Variants in ACSS3 observed in about 807,000 individuals in gnomAD.
The protein encoded by ACSS3 is acyl-CoA synthetase short chain family member 3.
In ACSS3, 64 loss-of-function variants were observed where a neutral mutation model predicts 84.2. That is an observed-to-expected ratio of 0.76 (90% confidence interval 0.62 to 0.94). ACSS3 has a LOEUF of 0.94. Among genes scored for constraint, ACSS3 ranks in the 40% least tolerant of loss-of-function variants. ACSS3 has a pLI of 0.00. For synonymous variants in ACSS3, 317 were observed against 310.1 expected, an observed-to-expected ratio of 1.02 and a Z score of -0.23; for missense variants, 815 against 867.6, an observed-to-expected ratio of 0.94 and a Z score of 0.76.
At chr12:81,199,693 T>C (rs2032014144) in intron 9 of ACSS3, 1 of 1,402,430 alleles carries the variant, frequency 7.1e-7, no homozygotes, top group Admixed American at 2.1e-5. Flanking sequence ...TATCTTCTCT[T>C]CTTTGTTTCT....
rs1361629558 is a variant in ACSS3, at chr12:81,257,558, A to G, written c.*2636A>G. On this transcript the variant is annotated 3_prime_UTR_variant, in exon 16 of 16. Transcript: ENST00000548058. ...TACTGTTAAGTTATTGGAAAATGAAAATATAAAGTGCTTTCAGAAGTTATA... is the reference window on the plus strand; with the variant it reads ...TACTGTTAAGTTATTGGAAAATGAAGATATAAAGTGCTTTCAGAAGTTATA... 6.6e-6 allele frequency: 1 copy of G among 152,168 alleles called. No homozygotes were observed. Among genetic ancestry groups the G allele is most frequent in the Non-Finnish European group, 1.5e-5 (1 of 68,012 alleles). The allele number at this position is 152,168 out of a possible 1,614,324, so 9.4% of individuals were successfully genotyped here. A position where few individuals can be genotyped will look rare whatever the true frequency, so the allele number is the denominator to read the frequency against.
chr12:81,088,407 T>A (rs1301007261), intron 1 of ACSS3, among the ~76,000 whole-genome samples: 1 of 152,216 alleles, frequency 6.6e-6, no homozygotes, highest in East Asian at 1.9e-4. Flanking sequence ...TTTAGTCTGC[T>A]AAAGTACATA....
rs1366894255 is a variant in ACSS3 at position 81,259,415 on chromosome 12, A to G, written c.*4493A>G. On this transcript the variant is annotated 3_prime_UTR_variant, in exon 16 of 16. Transcript: ENST00000548058. ...AAAACAACTGGCTTCATTTCATAAA[A>G]GCATCTGTTGTACAGAGTTTATGAT... The G allele has an allele frequency of 1.5e-6, 1 of 658,614 alleles. No homozygotes were observed. The highest frequency in any genetic ancestry group is 1.8e-5 in the African/African-American group (1 of 55,586). 40.8% of individuals were successfully genotyped at this position (658,614 alleles called of 1,614,324 possible). A position where few individuals can be genotyped will look rare whatever the true frequency, so the allele number is the denominator to read the frequency against.
At chr12:81,219,215 C>T (rs1289700638) in intron 10 of ACSS3, among the ~76,000 whole-genome samples, 2 of 152,050 alleles carry the variant, frequency 1.3e-5, no homozygotes, top group Admixed American at 1.3e-4. Flanking sequence ...CCATGGCCTC[C>T]GTGAACTCAC....
chr12:81,228,132 G>T (rs1396804229), intron 11 of ACSS3, among the ~76,000 whole-genome samples: 2 of 151,796 alleles, frequency 1.3e-5, no homozygotes, highest in Non-Finnish European at 2.9e-5. Context: ...TACATTTTAG[G>T]TTGGGCTTTT....
chr12:81,174,408 T>C (rs1014949917), intron 7 of ACSS3: 1 of 156,702 alleles, frequency 6.4e-6, no homozygotes, highest in Non-Finnish European at 1.4e-5. Flanking sequence ...ACTGTTGTCA[T>C]TTTTAATAGT....
chr12:81,160,341 G>T (rs1887088536), intron 7 of ACSS3, among the ~76,000 whole-genome samples: 1 of 152,214 alleles, frequency 6.6e-6, no homozygotes, highest in African/African-American at 2.4e-5. Flanking sequence ...AGCAAGGGCA[G>T]ATGGCTATTT....
Position 81,129,119 on chromosome 12 carries a change from C to G in ACSS3, c.457-5697C>G, listed in dbSNP as rs914499053. ...TGAAACAAGCAAGGCCAAATAGACT[C>G]CATCTAGTGGTTACACGGGACTGGT... On this transcript the variant is annotated intron_variant, in intron 2 of 15. Coordinates refer to ENST00000548058, the MANE Select transcript of ACSS3 (RefSeq NM_024560.4). 8.7e-4 allele frequency among the ~76,000 whole-genome samples: 133 copies of G among 152,186 alleles called. 1 individual carries two copies. The highest frequency in any genetic ancestry group is 6.8e-4 in the Non-Finnish European group (46 of 68,014).
intron 9 of ACSS3, among the ~76,000 whole-genome samples, chr12:81,213,999 CTTTCTTTCATCT>C (rs2032800658): frequency 1.1e-5 from 1 of 92,400 alleles, no homozygotes; most frequent in African/African-American, 4.1e-5. Flanking sequence ...TTCTTTCTTT[CTTTCTTTCATCT>C]GTCTGTCTGT....
intron 8 of ACSS3, among the ~76,000 whole-genome samples, chr12:81,198,073 G>A (rs527328866): frequency 6.6e-6 from 1 of 152,094 alleles, no homozygotes; most frequent in East Asian, 1.9e-4. Flanking sequence ...CCCTCCTCAG[G>A]GCACTGTTCT....
chr12:81,156,647 TA>T (rs1211301337), intron 7 of ACSS3, among the ~76,000 whole-genome samples: 1 of 152,034 alleles, frequency 6.6e-6, no homozygotes, highest in Non-Finnish European at 1.5e-5. Context: ...AAAAGTGTAA[TA>T]GGGGAATACT....
At chr12:81,115,794 A>C (rs1883993308) in intron 2 of ACSS3, among the ~76,000 whole-genome samples, 1 of 152,164 alleles carries the variant, frequency 6.6e-6, no homozygotes, top group Non-Finnish European at 1.5e-5. Context: ...GAGTTAAATG[A>C]TTTTAGGAAT....
intron 13 of ACSS3, among the ~76,000 whole-genome samples, chr12:81,250,431 AATATT>A (rs2034115131): frequency 6.6e-6 from 1 of 152,100 alleles, no homozygotes; most frequent in Non-Finnish European, 1.5e-5. Flanking sequence ...GGGAAACTGT[AATATT>A]ATATTATAGG....
At chr12:81,211,374 A>C (rs7972054) in intron 9 of ACSS3, among the ~76,000 whole-genome samples, 6,969 of 152,326 alleles carry the variant, frequency 0.046, 219 homozygotes, top group Middle Eastern at 0.071. Context: ...CATCATGTCA[A>C]AATGGGTAGA....
chr12:81,092,784 C>T (rs550221131), intron 1 of ACSS3, among the ~76,000 whole-genome samples: 3 of 152,146 alleles, frequency 2.0e-5, no homozygotes, highest in South Asian at 2.1e-4. Flanking sequence ...TAATGGGAAA[C>T]GTTTCATCTA....
intron 13 of ACSS3, among the ~76,000 whole-genome samples, chr12:81,233,987 C>A (rs1388674067): frequency 6.6e-6 from 1 of 151,454 alleles, no homozygotes; most frequent in East Asian, 1.9e-4. Flanking sequence ...AATACAGTTT[C>A]TTGTAACCAT....
chr12:81,132,059 G>A (rs1270035402), intron 2 of ACSS3, among the ~76,000 whole-genome samples: 1 of 152,166 alleles, frequency 6.6e-6, no homozygotes, highest in Non-Finnish European at 1.5e-5. Flanking sequence ...TTGCATCGAT[G>A]TTCATCAGGG....
At position 81,253,313 on chromosome 12, in the gene ACSS3, C is replaced by T. The variant is rs1346007038; in HGVS notation, c.1726C>T (p.Leu576Phe). 1 of 1,613,494 alleles carries T rather than the reference C, an allele frequency of 6.2e-7. No individual in the cohort carries two copies. Among genetic ancestry groups the T allele is most frequent in the Non-Finnish European group, 8.5e-7 (1 of 1,179,736 alleles). The change falls in exon 14 of 16, where the codon CTT (leucine) becomes TTT (phenylalanine). Residue 576 changes from leucine (L) to phenylalanine (F), a missense_variant. Leu to Phe is a conservative substitution (Grantham distance 22, BLOSUM62 0). Transcript: ENST00000548058. ...ATGCCTTTCCTTATTACAGTCAATC[C>T]TTTCCCATGGTACCGTGGCAGACTG... ...ISAGAIEESI[L>F]SHGTVADCAV... is the part of the protein sequence containing the mutation.
intron 8 of ACSS3, among the ~76,000 whole-genome samples, chr12:81,196,449 T>C (rs2031832676): frequency 6.6e-6 from 1 of 152,194 alleles, no homozygotes; most frequent in African/African-American, 2.4e-5. Flanking sequence ...TTTAATAAAA[T>C]ATATTATTAG....
Sources: gnomAD v4.1 joint callset for allele counts (sites outside exome capture counted in the v4.1 genomes callset) on GRCh38, gnomAD v4.1.1 for gene constraint, MANE v1.5 for transcripts, NCBI Gene and HGNC (gene_info 2026-07-23, HGNC 2026-07-21) for gene names.